SPEN: variants seen among roughly 807,000 people sequenced by gnomAD.
SPEN encodes spen family transcriptional repressor.
SPEN carries 18 observed loss-of-function variants against 269.9 expected under a neutral mutation model. The observed-to-expected ratio is 0.07, with a 90% CI of 0.05 to 0.10. The LOEUF is 0.10. Ranked by LOEUF, SPEN falls within the 10% of genes least tolerant of loss-of-function variation. The pLI is 1.00. For synonymous variants in SPEN, 1,726 were observed against 1,765.7 expected (o/e 0.98, Z 0.56); for missense variants, 3,822 against 4,631.2 (o/e 0.83, Z 5.07).
chr1:15,869,468 A>G (rs1216976290), intron 1 of SPEN, among the ~76,000 whole-genome samples: 1 of 152,198 alleles, frequency 6.6e-6, no homozygotes, highest in Non-Finnish European at 1.5e-5. Flanking sequence ...ATTAGTGCCC[A>G]TAATTTGGTG....
Position 15,934,415 on chromosome 1 carries a change from CA to C in SPEN, c.8177del (p.Asn2726MetfsTer7). ...CAGTGAATGCCGCCCCAGGCACAGT[CA>C]ATGCCGCTGCGAGTGCAGTGAATGC... ...GTVNAAPGTV[N>X]AAASAVNATA... On this transcript the variant is annotated frameshift_variant, in exon 11 of 15. Coordinates refer to ENST00000375759, the MANE Select transcript of SPEN (RefSeq NM_015001.3). LOFTEE classifies it high-confidence loss of function. This position sits in a 1 kb window ranked among gnomAD's most constrained non-coding sequence, Gnocchi z 9.2. 6.2e-7 allele frequency: 1 copy of C among 1,613,848 alleles called. No homozygotes were observed. The highest frequency in any genetic ancestry group is 8.5e-7 in the Non-Finnish European group (1 of 1,180,034).
intron 1 of SPEN, among the ~76,000 whole-genome samples, chr1:15,871,372 G>A (rs1302913649): frequency 1.3e-5 from 2 of 151,948 alleles, no homozygotes; most frequent in African/African-American, 2.4e-5. Flanking sequence ...ACTGAGTCTC[G>A]CTCTGTCACC....
chr1:15,917,550 C>A (rs1323120936), intron 6 of SPEN: 1 of 152,126 alleles, frequency 6.6e-6, no homozygotes, highest in Non-Finnish European at 1.5e-5. Context: ...CCACCATGCC[C>A]AGCTAATTTT....
At position 15,876,604 on chromosome 1, in the gene SPEN, T is replaced by C. The variant is rs1355228320; in HGVS notation, c.807T>C (p.Pro269=). The C allele has an allele frequency of 6.2e-7, 1 of 1,614,004 alleles. No homozygotes were observed. Among genetic ancestry groups the C allele is most frequent in the Admixed American group, 1.7e-5 (1 of 60,018 alleles). ...AAGCATCTAGACCCACAAGGTCCCC[T>C]AGCGGCAGCGGCTCTAGAAGTAGAT... The part of the protein sequence containing the change: ...ASQASRPTRS[P]SGSGSRSRSS... Residue 269 remains proline, a synonymous_variant, in exon 3 of 15, where the codon CCT becomes CCC. Coordinates refer to ENST00000375759, the MANE Select transcript of SPEN (RefSeq NM_015001.3).
intron 3 of SPEN, among the ~76,000 whole-genome samples, chr1:15,895,643 T>C (rs1166998241): frequency 6.6e-6 from 1 of 152,054 alleles, no homozygotes; most frequent in Non-Finnish European, 1.5e-5. Flanking sequence ...TAACTACTGC[T>C]GTAATTGGAT....
chr1:15,933,282 G>A lies in SPEN; in HGVS notation c.7042G>A (p.Val2348Met). 1 of 1,614,128 alleles carries A rather than the reference G, an allele frequency of 6.2e-7. No individual in the cohort carries two copies. The highest frequency in any genetic ancestry group is 2.2e-5 in the East Asian group (1 of 44,878). ...CCGCAAGCGAAACACAAACAAGAAA[G>A]TGGTGGCTCCTGTAGAGAGCCATGT... is the stretch of plus-strand genomic sequence containing the variant. ...SRRKRNTNKK[V>M]VAPVESHVPE... The change falls in exon 11 of 15, where the codon GTG becomes ATG. Residue 2348 changes from valine to methionine, a missense_variant. Coordinates refer to ENST00000375759, the MANE Select transcript of SPEN (RefSeq NM_015001.3). The surrounding 1 kb of genome is among the most constrained non-coding windows in gnomAD (Gnocchi z 5.7).
chr1:15,915,796 C>A (rs1055461867), intron 5 of SPEN, among the ~76,000 whole-genome samples: 13 of 152,198 alleles, frequency 8.5e-5, no homozygotes, highest in Non-Finnish European at 1.3e-4. Context: ...ACCTTGACAT[C>A]TTAAAGTGCT....
Position 15,929,483 on chromosome 1 carries a change from C to A in SPEN, c.3243C>A (p.Ser1081Arg). 1 of 1,613,444 alleles carries A rather than the reference C, an allele frequency of 6.2e-7. No homozygotes were observed. The highest frequency in any genetic ancestry group is 2.2e-5 in the East Asian group (1 of 44,884). ...SISVGSGSRP[S>R]SDLQARLGEL... ...CTGTTGGGTCTGGCTCAAGGCCCAG[C>A]TCAGACCTACAAGCAAGACTGGGAG... Residue 1081 changes from serine (S) to arginine (R), a missense_variant, in exon 11 of 15, where the codon AGC becomes AGA. Physicochemically the swap from Ser to Arg is moderately radical, Grantham distance 110. Coordinates refer to ENST00000375759, the MANE Select transcript of SPEN (RefSeq NM_015001.3). The surrounding 1 kb of genome is among the most constrained non-coding windows in gnomAD (Gnocchi z 5.8).
intron 2 of SPEN, chr1:15,874,227 C>T (rs1477012959): frequency 7.3e-7 from 1 of 1,366,350 alleles, no homozygotes; most frequent in African/African-American, 1.5e-5. Context: ...TTTGTCTGGT[C>T]ACTAAGATTT....
intron 10 of SPEN, among the ~76,000 whole-genome samples, chr1:15,927,000 G>A (rs1160630213): frequency 6.6e-6 from 1 of 152,190 alleles, no homozygotes; most frequent in East Asian, 1.9e-4. Context: ...CCAAGTTCTA[G>A]TGTTCTTTCA....
chr1:15,909,324 T>C lies in SPEN; in HGVS notation c.885T>C (p.Ser295=). 6.2e-7 allele frequency: 1 copy of C among 1,604,248 alleles called. No homozygotes were observed. Among genetic ancestry groups the C allele is most frequent in the Non-Finnish European group, 8.5e-7 (1 of 1,176,864 alleles). ...SSSSSTSSDS[S]DSSSSSSDDS... ...TGTTGTTGTTGCCTTTTTGCAGCAG[T>C]GATTCCAGCAGTAGTTCAAGTGATG... is the stretch of plus-strand genomic sequence containing the variant. Residue 295 remains serine, a synonymous_variant, in exon 4 of 15, where the codon AGT becomes AGC. Coordinates refer to ENST00000375759, the MANE Select transcript of SPEN (RefSeq NM_015001.3).
chr1:15,865,157 T>C (rs1340801473), intron 1 of SPEN, among the ~76,000 whole-genome samples: 1 of 151,364 alleles, frequency 6.6e-6, no homozygotes, highest in Non-Finnish European at 1.5e-5. Context: ...GTTCAAGCAA[T>C]TCTCTTGCCT....
Position 15,933,550 on chromosome 1 carries a change from C to G in SPEN, c.7310C>G (p.Pro2437Arg), listed in dbSNP as rs765470772. 1.9e-6 allele frequency: 3 copies of G among 1,613,960 alleles called. No individual in the cohort carries two copies. In the African/African-American group the frequency reaches 4.0e-5, roughly 22 times the overall value. Residue 2437 changes from proline (P) to arginine (R), a missense_variant, in exon 11 of 15, where the codon CCA becomes CGA. By Grantham distance (103) the Pro-to-Arg change is moderately radical (BLOSUM62 -2). Coordinates refer to ENST00000375759, the MANE Select transcript of SPEN (RefSeq NM_015001.3). The surrounding 1 kb of genome is among the most constrained non-coding windows in gnomAD (Gnocchi z 5.7). ...VPPDLPPPPQPAPVDEEPQAR... is the reference protein window; with the variant it reads ...VPPDLPPPPQRAPVDEEPQAR... Reference sequence around the variant, plus strand: ...CCAGACCTTCCCCCACCTCCCCAGCCAGCACCGGTGGATGAGGAGCCTCAA... The same window carrying G: ...CCAGACCTTCCCCCACCTCCCCAGCGAGCACCGGTGGATGAGGAGCCTCAA...
At chr1:15,914,071 A>C (rs1400942188) in intron 5 of SPEN, among the ~76,000 whole-genome samples, 1 of 152,210 alleles carries the variant, frequency 6.6e-6, no homozygotes, top group African/African-American at 2.4e-5. Context: ...AAAATGAGAT[A>C]TGTTCCTTTG....
chr1:15,906,321 A>T (rs770572859), intron 3 of SPEN, among the ~76,000 whole-genome samples: 12 of 152,144 alleles, frequency 7.9e-5, no homozygotes, highest in Non-Finnish European at 1.6e-4. Flanking sequence ...TAGCAATGAC[A>T]GCTTATGATT....
At chr1:15,861,996 T>C (rs1191701401) in intron 1 of SPEN, among the ~76,000 whole-genome samples, 1 of 152,176 alleles carries the variant, frequency 6.6e-6, no homozygotes, top group Non-Finnish European at 1.5e-5. Flanking sequence ...GAGCTGAGAT[T>C]GCGCCACTTT....
At position 15,931,831 on chromosome 1, in the gene SPEN, A is replaced by G; in HGVS notation, c.5591A>G (p.Lys1864Arg). Residue 1864 changes from lysine to arginine, a missense_variant, in exon 11 of 15, where the codon AAG (lysine) becomes AGG (arginine). Lys to Arg is a conservative substitution (Grantham distance 26, BLOSUM62 2). Coordinates refer to ENST00000375759, the MANE Select transcript of SPEN (RefSeq NM_015001.3). The surrounding 1 kb of genome is among the most constrained non-coding windows in gnomAD (Gnocchi z 4.8). ...RSNSPRGEAQ[K>R]LLELKMEAEK... is the part of the protein sequence containing the mutation. ...AATTCTCCTCGGGGAGAAGCACAGA[A>G]GCTTTTGGAATTGAAGATGGAGGCA... 6.2e-7 allele frequency: 1 copy of G among 1,614,248 alleles called. No homozygotes were observed. Among genetic ancestry groups the G allele is most frequent in the Non-Finnish European group, 8.5e-7 (1 of 1,180,044 alleles).
rs1309804836 is a variant in SPEN at position 15,928,656 on chromosome 1, A to G, written c.2416A>G (p.Arg806Gly). Reference protein sequence around the residue: ...TFDPERVERERRLIRKEKVEK... With the variant: ...TFDPERVEREGRLIRKEKVEK... ...TGATCCGGAGAGAGTGGAGAGAGAG[A>G]GACGCTTAATACGGAAGGAAAAAGT... Residue 806 changes from arginine to glycine, a missense_variant, in exon 11 of 15, where the codon AGA becomes GGA. By Grantham distance (125) the Arg-to-Gly change is moderately radical (BLOSUM62 -2). This residue lies in a region of SPEN where 572 missense variants were observed against 582.6 expected (regional missense o/e 0.98). Transcript: ENST00000375759. This position sits in a 1 kb window ranked among gnomAD's most constrained non-coding sequence, Gnocchi z 5.7. 1 of 1,614,108 alleles carries G rather than the reference A, an allele frequency of 6.2e-7. No homozygotes were observed.
At chr1:15,871,024 AG>A (rs1238103570) in intron 1 of SPEN, among the ~76,000 whole-genome samples, 2 of 152,132 alleles carry the variant, frequency 1.3e-5, no homozygotes, top group Non-Finnish European at 2.9e-5. Flanking sequence ...TCTGTTGCCC[AG>A]GGTGGATCTC....
Sources: gnomAD v4.1 joint callset for allele counts (sites outside exome capture counted in the v4.1 genomes callset) on GRCh38, gnomAD v4.1.1 for gene constraint, gnomAD v4.1.1 regional missense constraint, Gnocchi (gnomAD v3.1) non-coding constraint, MANE v1.5 for transcripts, NCBI Gene and HGNC (gene_info 2026-07-23, HGNC 2026-07-21) for gene names.